ZNF483: variants seen among roughly 807,000 people sequenced by gnomAD.
ZNF483 encodes zinc finger protein HIT-10.
A neutral mutation model predicts 28.6 loss-of-function variants in ZNF483; 9 were observed. The observed-to-expected ratio is 0.32, with a 90% confidence interval of 0.19 to 0.55. ZNF483 has a LOEUF of 0.55. Ranked by LOEUF, ZNF483 falls within the 20% of genes least tolerant of loss-of-function variation. ZNF483 has a pLI of 0.93. For missense variants in ZNF483, 675 were observed against 871.7 expected (o/e 0.77, Z 2.84); for synonymous variants, 322 against 306.2 (o/e 1.05, Z -0.54).
intron 5 of ZNF483, chr9:111,575,285 G>A (rs1829010694): frequency 6.6e-6 from 1 of 152,440 alleles, no homozygotes; most frequent in Admixed American, 6.5e-5. Flanking sequence ...CTGGGCAAGA[G>A]AGCAAGACTC....
Position 111,544,587 on chromosome 9 carries a change from G to T in ZNF483, c.*1417G>T, listed in dbSNP as rs1353728007. On this transcript the variant is annotated 3_prime_UTR_variant, in exon 6 of 6. Transcript: ENST00000309235. ...CACCTGACTTTCCCACTGTATGAAT[G>T]TTCTATTATAACCCCTACCATTTGG... Among the ~76,000 whole-genome samples, 1 of 152,072 alleles carries T rather than the reference G, an allele frequency of 6.6e-6. No homozygotes were observed. Among genetic ancestry groups the T allele is most frequent in the African/African-American group, 2.4e-5 (1 of 41,392 alleles).
At chr9:111,556,470 A>C (rs1305401680), downstream of ZNF483, among the ~76,000 whole-genome samples, 1 of 152,250 alleles carries the variant, frequency 6.6e-6, no homozygotes, top group African/African-American at 2.4e-5. Flanking sequence ...GAGGTTCTCC[A>C]CAAAGGCTGT....
In ZNF483 at chr9:111,546,208, T is replaced by C. The variant is rs77903230; in HGVS notation, c.*3038T>C. ...CAGCCATTCATGTATCTTAGTGAAA[T>C]GTTTATTCAGATTTTTTGTCCATTT... is the stretch of plus-strand genomic sequence containing the variant. On this transcript the variant is annotated 3_prime_UTR_variant, in exon 6 of 6. Coordinates refer to ENST00000309235, the MANE Select transcript of ZNF483 (RefSeq NM_133464.5). Among the ~76,000 whole-genome samples the C allele has an allele frequency of 0.036, 5,532 of 152,296 alleles. 236 individuals carry two copies. The highest frequency in any genetic ancestry group is 0.17 in the East Asian group (904 of 5,186).
chr9:111,542,975 GCA>G lies in ZNF483; in HGVS notation c.2042_2043del (p.His681ProfsTer11). On this transcript the variant is annotated frameshift_variant, in exon 6 of 6. Transcript: ENST00000309235. LOFTEE classifies it low-confidence loss of function (END_TRUNC). This position sits in a 1 kb window ranked among gnomAD's most constrained non-coding sequence, Gnocchi z 6.2. ...TCAGTCAGAGTTCATCTCTTAATGA[GCA>G]CCACCGAATTCATACAGGAGAGAAA... is the stretch of plus-strand genomic sequence containing the variant. ...SFSQSSSLNE[H>X]HRIHTGEKPY... 6.2e-7 allele frequency: 1 copy of G among 1,614,040 alleles called. No individual in the cohort carries two copies. Among genetic ancestry groups the G allele is most frequent in the Non-Finnish European group, 8.5e-7 (1 of 1,179,982 alleles).
chr9:111,566,655 T>C (rs76781427), intron 5 of ZNF483, among the ~76,000 whole-genome samples: 10,194 of 152,232 alleles, frequency 0.067, 567 homozygotes, highest in African/African-American at 0.14. Flanking sequence ...CTGTGGCACA[T>C]GTATGCACCC....
At chr9:111,561,102 T>TAG (rs1448011286) in intron 5 of ZNF483, among the ~76,000 whole-genome samples, 9 of 29,340 alleles carry the variant, frequency 3.1e-4, no homozygotes, top group East Asian at 5.0e-4. Context: ...TATATATATA[T>TAG]ATATATATAG....
intron 5 of ZNF483, chr9:111,563,125 G>A: frequency 1.9e-6 from 3 of 1,611,958 alleles, no homozygotes; most frequent in Non-Finnish European, 2.5e-6. Flanking sequence ...TCTTTTTCAT[G>A]CTTTCACTAT....
chr9:111,574,346 T>C (rs561838319), intron 5 of ZNF483: 1 of 152,830 alleles, frequency 6.5e-6, no homozygotes, highest in South Asian at 2.1e-4. Flanking sequence ...TCTTTTGTTA[T>C]TGTTTTTGTT....
downstream of ZNF483, among the ~76,000 whole-genome samples, chr9:111,559,647 GCA>G (rs60224675): frequency 2.0e-5 from 3 of 150,602 alleles, no homozygotes; most frequent in South Asian, 2.1e-4. Context: ...CACACATACA[GCA>G]CACACACACA....
At chr9:111,529,678 CAGAA>C (rs1157248079) in intron 2 of ZNF483, among the ~76,000 whole-genome samples, 3 of 152,196 alleles carry the variant, frequency 2.0e-5, no homozygotes, top group South Asian at 2.1e-4. Flanking sequence ...TGAGGGTATA[CAGAA>C]AGAAGTTTTC....
intron 5 of ZNF483, among the ~76,000 whole-genome samples, chr9:111,539,112 CAAAAAAAAAAAAAAAA>C (rs11367090): frequency 1.4e-4 from 9 of 64,898 alleles, no homozygotes; most frequent in African/African-American, 5.9e-4. Context: ...GACTCCGTCT[CAAAAAAAAAAAAAAAA>C]AAAAAAAAAA....
intron 5 of ZNF483, among the ~76,000 whole-genome samples, chr9:111,536,566 C>G (rs1220075035): frequency 6.6e-6 from 1 of 152,018 alleles, no homozygotes; most frequent in Admixed American, 6.6e-5. Context: ...GTATCAATAC[C>G]TTGGTTTATC....
At chr9:111,565,367 C>T (rs1828511403) in intron 5 of ZNF483, among the ~76,000 whole-genome samples, 1 of 152,154 alleles carries the variant, frequency 6.6e-6, no homozygotes, top group Non-Finnish European at 1.5e-5. Flanking sequence ...TTGTTTAAGC[C>T]ACCCAGTCTG....
rs531849866 is a variant in ZNF483, at chr9:111,532,306, G to A, written c.501+1343G>A. On this transcript the variant is annotated intron_variant, in intron 3 of 5. Coordinates refer to ENST00000309235, the MANE Select transcript of ZNF483 (RefSeq NM_133464.5). ...TGATTACGCCACCGTACTCCAGCCT[G>A]GGTAACAAAGTGAGACCCAGTCTCA... is the stretch of plus-strand genomic sequence containing the variant. Among the ~76,000 whole-genome samples the A allele has an allele frequency of 1.2e-3, 187 of 152,224 alleles. 1 individual carries two copies. The highest frequency in any genetic ancestry group is 3.1e-3 in the Admixed American group (47 of 15,292).
rs1009882557 is a variant in ZNF483, at chr9:111,554,084, C to G, written c.*10914C>G. On this transcript the variant is annotated 3_prime_UTR_variant, in exon 6 of 6. Coordinates refer to ENST00000309235, the MANE Select transcript of ZNF483 (RefSeq NM_133464.5). ...CGGTGCCAAGGTTTCCCATTCCACT[C>G]TAGAGATCTCACACAGGCTTCCCAG... Among the ~76,000 whole-genome samples the G allele has an allele frequency of 1.3e-5, 2 of 152,190 alleles. No individual in the cohort carries two copies. Among genetic ancestry groups the G allele is most frequent in the African/African-American group, 4.8e-5 (2 of 41,444 alleles).
At chr9:111,540,693 A>G (rs1052189432) in intron 5 of ZNF483, among the ~76,000 whole-genome samples, 20 of 152,208 alleles carry the variant, frequency 1.3e-4, no homozygotes, top group African/African-American at 3.4e-4. Context: ...TTGAAAGTCT[A>G]TATTGGTGGT....
At chr9:111,559,973 C>T (rs768090780), downstream of ZNF483, among the ~76,000 whole-genome samples, 95 of 152,278 alleles carry the variant, frequency 6.2e-4, no homozygotes, top group Admixed American at 1.2e-3. Flanking sequence ...CATTGTACTA[C>T]AATTTATTTA....
In ZNF483 at chr9:111,527,324, A is replaced by T; in HGVS notation, c.-72A>T. The T allele has an allele frequency of 1.3e-6, 2 of 1,490,960 alleles. No homozygotes were observed. The highest frequency in any genetic ancestry group is 2.6e-5 in the South Asian group (2 of 76,756). The allele number at this position is 1,490,960 out of a possible 1,614,324, so 92.4% of individuals were successfully genotyped here. On this transcript the variant is annotated 5_prime_UTR_variant, in exon 2 of 6. Transcript: ENST00000309235. ...ACCTTTGATATTCCTGGCTGTGTAT[A>T]GTGCCTGTTGGTGGACTGTACTGAT...
At chr9:111,529,003 G>A (rs985211657) in intron 2 of ZNF483, among the ~76,000 whole-genome samples, 2 of 152,132 alleles carry the variant, frequency 1.3e-5, no homozygotes, top group African/African-American at 4.8e-5. Flanking sequence ...ACTCAGGCAG[G>A]TGTGGTGGTG....
Sources: gnomAD v4.1 joint callset for allele counts (sites outside exome capture counted in the v4.1 genomes callset) on GRCh38, gnomAD v4.1.1 for gene constraint, Gnocchi (gnomAD v3.1) non-coding constraint, MANE v1.5 for transcripts, NCBI Gene and HGNC (gene_info 2026-07-23, HGNC 2026-07-21) for gene names.